MACROD2: variants seen among roughly 807,000 people sequenced by gnomAD.
MACROD2 encodes the protein ADP-ribose glycohydrolase MACROD2.
A neutral mutation model predicts 70.4 loss-of-function variants in MACROD2; 36 were observed. That is an observed-to-expected ratio of 0.51 (90% confidence interval 0.39 to 0.68). The LOEUF is 0.68. MACROD2 is among the 30% of genes least tolerant of loss of function. The pLI is 0.00. For missense variants in MACROD2, 496 were observed against 538.4 expected, an observed-to-expected ratio of 0.92 and a Z score of 0.78; for synonymous variants, 172 against 178.8, an observed-to-expected ratio of 0.96 and a Z score of 0.30.
At chr20:15,862,545 A>G (rs115896788) in intron 8 of MACROD2, among the ~76,000 whole-genome samples, 200 bp from the exon 9 acceptor site, 237 of 152,154 alleles carry the variant, frequency 1.6e-3, no homozygotes, top group African/African-American at 5.6e-3. Flanking sequence ...TTATTTATAT[A>G]CAGAGTACAC....
chr20:14,336,247 TAATA>T (rs1479723817), intron 3 of MACROD2, among the ~76,000 whole-genome samples: 6 of 152,182 alleles, frequency 3.9e-5, no homozygotes, highest in Admixed American at 1.3e-4. Context: ...ACAGATTTAT[TAATA>T]GACAGATTTA....
At chr20:15,295,710 C>T (rs992623431) in intron 6 of MACROD2, among the ~76,000 whole-genome samples, 2 of 152,078 alleles carry the variant, frequency 1.3e-5, no homozygotes, top group African/African-American at 2.4e-5. Flanking sequence ...CCCCCCAACT[C>T]ACCAATCCTC....
intron 5 of MACROD2, among the ~76,000 whole-genome samples, chr20:15,074,625 G>A (rs182766036): frequency 3.3e-5 from 5 of 152,166 alleles, no homozygotes; most frequent in Non-Finnish European, 7.3e-5. Flanking sequence ...GTGGTATCTG[G>A]CACTATCTCC....
At chr20:15,479,460 G>C (rs1040198396) in intron 7 of MACROD2, among the ~76,000 whole-genome samples, 10 of 151,404 alleles carry the variant, frequency 6.6e-5, no homozygotes, top group African/African-American at 2.4e-4. Context: ...TTTTAGTAGA[G>C]ACGGGGTTTC....
At chr20:14,958,471 T>C (rs2074556409) in intron 5 of MACROD2, among the ~76,000 whole-genome samples, 1 of 152,170 alleles carries the variant, frequency 6.6e-6, no homozygotes, top group Admixed American at 6.5e-5. Flanking sequence ...CTAGTTTAAA[T>C]GGGGGCACCA....
At chr20:15,624,464 C>T (rs2049173338) in intron 8 of MACROD2, among the ~76,000 whole-genome samples, 1 of 152,186 alleles carries the variant, frequency 6.6e-6, no homozygotes, top group African/African-American at 2.4e-5. Context: ...TCAAGAGAAC[C>T]TATTGTCACC....
At chr20:15,905,779 A>G (rs940457898) in intron 10 of MACROD2, among the ~76,000 whole-genome samples, 2 of 152,156 alleles carry the variant, frequency 1.3e-5, no homozygotes, top group Admixed American at 6.5e-5. Flanking sequence ...GAGCCTTAAA[A>G]CTGTCCACCT....
At chr20:14,446,411 C>G (rs1342423804) in intron 3 of MACROD2, among the ~76,000 whole-genome samples, 1 of 152,078 alleles carries the variant, frequency 6.6e-6, no homozygotes, top group Non-Finnish European at 1.5e-5. Flanking sequence ...TCTGACTTCA[C>G]AATCCACCTC....
rs555503328 is a variant in MACROD2, at chr20:15,540,713, A to G, written c.645+40866A>G. On this transcript the variant is annotated intron_variant, in intron 8 of 17. Coordinates refer to ENST00000684519, the MANE Select transcript of MACROD2 (RefSeq NM_001351661.2). ...ACTGGAGGCTGGCAGTCTAAACTCA[A>G]GGTATCGGCAGGGTTCCTTCTTTTT... is the stretch of plus-strand genomic sequence containing the variant. 3.9e-5 allele frequency among the ~76,000 whole-genome samples: 6 copies of G among 152,324 alleles called. No individual in the cohort carries two copies. The East Asian group carries it at 5.8e-4, about 15-fold the overall frequency.
In MACROD2 at chr20:15,389,209, C is replaced by T. The variant is rs150570374; in HGVS notation, c.541-42196C>T. 6.2e-4 allele frequency among the ~76,000 whole-genome samples: 94 copies of T among 152,148 alleles called. No homozygotes were observed. In the East Asian group the frequency reaches 0.016, roughly 26 times the overall value. ...GCCAGATTTAGCAAATAAGAGGGTA[C>T]CCAGTTAAATTTGAATTTCAGATAA... On this transcript the variant is annotated intron_variant, in intron 6 of 17. Coordinates refer to ENST00000684519, the MANE Select transcript of MACROD2 (RefSeq NM_001351661.2).
intron 4 of MACROD2, among the ~76,000 whole-genome samples, chr20:14,646,546 T>G (rs777418016): frequency 8.5e-5 from 13 of 152,124 alleles, no homozygotes; most frequent in Non-Finnish European, 1.9e-4. Context: ...CTTAGTGGAT[T>G]CATCATAAAA....
intron 5 of MACROD2, among the ~76,000 whole-genome samples, chr20:14,771,737 TAC>T (rs11472593): frequency 0.039 from 5,679 of 145,074 alleles, 311 homozygotes; most frequent in African/African-American, 0.12. Flanking sequence ...ATACTTATCC[TAC>T]ACACACACAC....
At chr20:14,484,732 A>T (rs930130389) in intron 3 of MACROD2, among the ~76,000 whole-genome samples, 2 of 152,154 alleles carry the variant, frequency 1.3e-5, no homozygotes, top group Admixed American at 1.3e-4. Context: ...TAACATAATG[A>T]TCTCCAGTTC....
chr20:14,942,403 T>G (rs2074397904), intron 5 of MACROD2, among the ~76,000 whole-genome samples: 1 of 152,014 alleles, frequency 6.6e-6, no homozygotes, highest in South Asian at 2.1e-4. Context: ...CTTCTCCTTC[T>G]TCTTCTCCTC....
intron 3 of MACROD2, among the ~76,000 whole-genome samples, chr20:14,193,391 A>G (rs1458074941): frequency 3.3e-5 from 5 of 152,234 alleles, no homozygotes; most frequent in African/African-American, 1.2e-4. Flanking sequence ...GCAAAACAGT[A>G]GATGTCCACT....
intron 5 of MACROD2, among the ~76,000 whole-genome samples, chr20:14,952,031 T>C (rs1363519873): frequency 2.0e-5 from 3 of 152,030 alleles, no homozygotes; most frequent in Non-Finnish European, 2.9e-5. Context: ...CATACCATCC[T>C]GCCCTCCCCT....
intron 4 of MACROD2, among the ~76,000 whole-genome samples, chr20:14,596,277 A>G (rs1479695545): frequency 6.6e-6 from 1 of 151,488 alleles, no homozygotes; most frequent in African/African-American, 2.4e-5. Context: ...TTTTTAGTAG[A>G]GACGGGGTTT....
chr20:15,596,568 T>C (rs564735209), intron 8 of MACROD2, among the ~76,000 whole-genome samples: 1 of 152,366 alleles, frequency 6.6e-6, no homozygotes, highest in East Asian at 1.9e-4. Context: ...CAGAATGCTC[T>C]GAGAGCTAAT....
At chr20:14,128,065 T>A in intron 3 of MACROD2, 1 of 561,524 alleles carries the variant, frequency 1.8e-6, no homozygotes, top group Admixed American at 1.9e-5. Flanking sequence ...AAACCTACAA[T>A]GATGAGGGGA....
Sources: allele counts gnomAD v4.1 joint callset (sites outside exome capture counted in the v4.1 genomes callset), GRCh38; gene constraint gnomAD v4.1.1; transcripts MANE v1.5; gene names NCBI Gene and HGNC (gene_info 2026-07-23, HGNC 2026-07-21).